SCAPER: variants seen among roughly 807,000 people sequenced by gnomAD.
SCAPER encodes the protein S phase cyclin A-associated protein in the endoplasmic reticulum.
SCAPER carries 98 observed loss-of-function variants against 182.2 expected under a neutral mutation model. The ratio of observed to expected loss-of-function variants is 0.54; its 90% CI spans 0.46 to 0.64. The LOEUF is 0.64. SCAPER is among the 30% of genes least tolerant of loss of function. SCAPER has a pLI of 0.00. For synonymous variants in SCAPER, 605 were observed against 564.6 expected (o/e 1.07, Z -1.01); for missense variants, 1,432 against 1,690.0 (o/e 0.85, Z 2.68).
Position 76,878,449 on chromosome 15 carries a change from A to C in SCAPER, c.6+5363T>G, listed in dbSNP as rs553110086. On this transcript the variant is annotated intron_variant, in intron 2 of 31. Transcript: ENST00000563290. ...AGGTAGAAAGAAATAATTAGGACACAAAAAGCACTAATCATAAAGGAAAAA... is the reference window on the plus strand; with the variant it reads ...AGGTAGAAAGAAATAATTAGGACACCAAAAGCACTAATCATAAAGGAAAAA... Among the ~76,000 whole-genome samples the C allele has an allele frequency of 4.6e-5, 7 of 152,304 alleles. No individual in the cohort carries two copies. The South Asian group carries it at 1.2e-3, about 27-fold the overall frequency.
At chr15:76,357,926 T>C (rs2041114467) in intron 29 of SCAPER, among the ~76,000 whole-genome samples, 2 of 151,820 alleles carry the variant, frequency 1.3e-5, no homozygotes, top group African/African-American at 4.8e-5. Context: ...AGAACAGAAA[T>C]GGGAGGGAAA....
intron 26 of SCAPER, among the ~76,000 whole-genome samples, chr15:76,420,066 C>A (rs890601730): frequency 2.0e-5 from 3 of 151,930 alleles, no homozygotes; most frequent in African/African-American, 7.3e-5. Context: ...TACAGAAAAA[C>A]AATTTGACAA....
intron 7 of SCAPER, among the ~76,000 whole-genome samples, chr15:76,796,826 C>T (rs1424427222): frequency 6.6e-6 from 1 of 152,210 alleles, no homozygotes; most frequent in Non-Finnish European, 1.5e-5. Flanking sequence ...CCCTACTCCA[C>T]TACGGTTCAA....
intron 20 of SCAPER, among the ~76,000 whole-genome samples, chr15:76,666,385 G>C (rs1293645979): frequency 7.9e-5 from 12 of 152,164 alleles, no homozygotes; most frequent in Non-Finnish European, 1.5e-4. Context: ...GGTTCAGCAA[G>C]AGCACATAGT....
At chr15:76,767,132 T>C in intron 10 of SCAPER, 44 bp from the exon 11 acceptor site, 1 of 1,482,534 alleles carries the variant, frequency 6.7e-7, no homozygotes, top group Non-Finnish European at 9.1e-7. Flanking sequence ...AATGATCACT[T>C]GACTGGAAAG....
At chr15:76,714,612 G>A (rs1178448519) in intron 17 of SCAPER, among the ~76,000 whole-genome samples, 1 of 152,048 alleles carries the variant, frequency 6.6e-6, no homozygotes, top group Non-Finnish European at 1.5e-5. Context: ...GGGCTTTTGG[G>A]GAGCTGATGA....
chr15:76,606,378 C>A (rs1445507661), intron 22 of SCAPER, among the ~76,000 whole-genome samples: 5 of 151,902 alleles, frequency 3.3e-5, no homozygotes, highest in Admixed American at 3.3e-4. Flanking sequence ...GCACTGTGGC[C>A]TGAGAGTTTG....
rs2060729266 is a variant in SCAPER at position 76,728,593 on chromosome 15, A to C, written c.2165+2T>G. ...TGTTCATCAAGATAGCAAATGAGATACCTAGCTCTTTCCCGGGCTGCATCC... is the reference window on the plus strand; with the variant it reads ...TGTTCATCAAGATAGCAAATGAGATCCCTAGCTCTTTCCCGGGCTGCATCC... On this transcript the variant is annotated splice_donor_variant, in intron 17 of 31. Coordinates refer to ENST00000563290, the MANE Select transcript of SCAPER (RefSeq NM_020843.4). LOFTEE classifies it high-confidence loss of function. 3 of 1,613,296 alleles carry C rather than the reference A, an allele frequency of 1.9e-6. No individual in the cohort carries two copies. The highest frequency in any genetic ancestry group is 2.5e-6 in the Non-Finnish European group (3 of 1,179,530).
chr15:76,692,581 T>C (rs1451389682), intron 20 of SCAPER, among the ~76,000 whole-genome samples: 1 of 150,076 alleles, frequency 6.7e-6, no homozygotes, highest in Non-Finnish European at 1.5e-5. Flanking sequence ...CCCAGCTACT[T>C]GGGAGGTTAA....
intron 27 of SCAPER, among the ~76,000 whole-genome samples, chr15:76,393,139 T>C (rs1195467024): frequency 2.0e-5 from 3 of 152,192 alleles, no homozygotes; most frequent in African/African-American, 7.2e-5. Flanking sequence ...CACTTTGCCA[T>C]TGTGAGTACA....
intron 28 of SCAPER, chr15:76,381,143 G>A: frequency 4.3e-6 from 1 of 231,704 alleles, no homozygotes; most frequent in Admixed American, 5.3e-5. Flanking sequence ...CTGTAAAATG[G>A]GTATAATAAT....
chr15:76,617,201 TAG>T (rs1012155044), intron 22 of SCAPER, among the ~76,000 whole-genome samples: 7 of 152,234 alleles, frequency 4.6e-5, no homozygotes, highest in Non-Finnish European at 2.9e-5. Flanking sequence ...CTCCTGTGTC[TAG>T]AAGTTTATTT....
At chr15:76,668,455 T>C (rs2056781812) in intron 20 of SCAPER, among the ~76,000 whole-genome samples, 2 of 152,164 alleles carry the variant, frequency 1.3e-5, no homozygotes, top group African/African-American at 4.8e-5. Context: ...TCATCTACCA[T>C]TCTCTTCTTT....
intron 17 of SCAPER, among the ~76,000 whole-genome samples, chr15:76,724,087 T>C (rs2060436649): frequency 6.6e-6 from 1 of 152,048 alleles, no homozygotes; most frequent in Non-Finnish European, 1.5e-5. Flanking sequence ...TGTTTAGTGC[T>C]TCCTTCAGGA....
chr15:76,538,892 T>A (rs2044461286), intron 23 of SCAPER, among the ~76,000 whole-genome samples: 1 of 151,992 alleles, frequency 6.6e-6, no homozygotes, highest in South Asian at 2.1e-4. Flanking sequence ...TTTCCATTCC[T>A]CCGAAAAACA....
At chr15:76,582,298 T>G (rs929280566) in intron 22 of SCAPER, among the ~76,000 whole-genome samples, 12 of 152,194 alleles carry the variant, frequency 7.9e-5, no homozygotes, top group Non-Finnish European at 1.8e-4. Context: ...TCATTAGCAT[T>G]TCTACATCCT....
chr15:76,708,352 T>C (rs926114274), intron 17 of SCAPER, among the ~76,000 whole-genome samples: 1 of 151,956 alleles, frequency 6.6e-6, no homozygotes, highest in African/African-American at 2.4e-5. Context: ...AAATGTATTT[T>C]GAATGGAAAT....
At chr15:76,796,322 C>T (rs1237713351) in intron 7 of SCAPER, among the ~76,000 whole-genome samples, 1 of 152,154 alleles carries the variant, frequency 6.6e-6, no homozygotes, top group Non-Finnish European at 1.5e-5. Flanking sequence ...CCTCATTTGA[C>T]AGCAACTTTA....
At chr15:76,567,335 A>C (rs1325026071) in intron 23 of SCAPER, 1 of 454,918 alleles carries the variant, frequency 2.2e-6, no homozygotes, top group Non-Finnish European at 4.4e-6. Flanking sequence ...GATTATAAAC[A>C]ATGCTGCCAT....
Sources: gnomAD v4.1 joint callset for allele counts (sites outside exome capture counted in the v4.1 genomes callset) on GRCh38, gnomAD v4.1.1 for gene constraint, MANE v1.5 for transcripts, NCBI Gene and HGNC (gene_info 2026-07-23, HGNC 2026-07-21) for gene names.